EFHB: variants seen among roughly 807,000 people sequenced by gnomAD.
EFHB encodes the protein EF-hand domain family member B.
A neutral mutation model predicts 87.2 loss-of-function variants in EFHB; 91 were observed. The ratio of observed to expected loss-of-function variants is 1.04; its 90% confidence interval spans 0.88 to 1.24. The LOEUF (loss-of-function observed/expected upper bound fraction) is 1.24. Ranked by LOEUF, EFHB falls within the 50% of genes most tolerant of loss-of-function variation. The pLI is 0.00. For synonymous variants in EFHB, 325 were observed against 333.6 expected (o/e 0.97, Z 0.28); for missense variants, 1,084 against 998.8 (o/e 1.09, Z -1.15).
rs572283933 is a variant in EFHB, at chr3:19,884,959, C to T, written c.1934-344G>A. On this transcript the variant is annotated intron_variant, in intron 10 of 12. Coordinates refer to ENST00000295824, the MANE Select transcript of EFHB (RefSeq NM_144715.4). ...TAGAGCGGCCAGGCACGGTGGCTCA[C>T]GCCTGTAATCCCAGCACTTTGGGAG... is the stretch of plus-strand genomic sequence containing the variant. Among the ~76,000 whole-genome samples, 10 of 151,064 alleles carry T rather than the reference C, an allele frequency of 6.6e-5. No individual in the cohort carries two copies. In the East Asian group the frequency reaches 1.8e-3, roughly 26 times the overall value.
intron 1 of EFHB, among the ~76,000 whole-genome samples, chr3:19,945,253 A>G (rs1428150041): frequency 1.3e-5 from 2 of 152,222 alleles, no homozygotes; most frequent in Non-Finnish European, 2.9e-5. Context: ...GAGGAATTCT[A>G]TAGAAATAGA....
At chr3:19,889,877 C>G (rs1236609571) in intron 9 of EFHB, among the ~76,000 whole-genome samples, 1 of 152,172 alleles carries the variant, frequency 6.6e-6, no homozygotes, top group Non-Finnish European at 1.5e-5. Context: ...ATCCCAGCTA[C>G]TCGGGAGGCT....
intron 4 of EFHB, among the ~76,000 whole-genome samples, chr3:19,916,376 G>A (rs1695231489): frequency 6.6e-6 from 1 of 151,912 alleles, no homozygotes; most frequent in Non-Finnish European, 1.5e-5. Flanking sequence ...TTAGACAGGC[G>A]TGGTGGCACA....
chr3:19,896,463 T>C (rs1694484212), intron 9 of EFHB: 2 of 626,536 alleles, frequency 3.2e-6, no homozygotes, highest in African/African-American at 3.6e-5. Context: ...GGCCATACAG[T>C]TTTTGTTGCT....
At chr3:19,939,391 TTTTTTTTTTG>T in intron 1 of EFHB, among the ~76,000 whole-genome samples, 2 of 113,416 alleles carry the variant, frequency 1.8e-5, no homozygotes, top group African/African-American at 6.8e-5. Context: ...TTTTTTTTTT[TTTTTTTTTTG>T]GGATGGAGTC....
At chr3:19,884,735 T>C in intron 10 of EFHB, 120 bp from the exon 11 acceptor site, 2 of 938,624 alleles carry the variant, frequency 2.1e-6, no homozygotes. Context: ...ACAGCTGGCA[T>C]GACCCCTCCA....
chr3:19,894,283 G>A (rs1266708072), intron 9 of EFHB, among the ~76,000 whole-genome samples: 1 of 152,124 alleles, frequency 6.6e-6, no homozygotes, highest in South Asian at 2.1e-4. Flanking sequence ...AGCTACCATT[G>A]TGATGTCAAC....
intron 5 of EFHB, among the ~76,000 whole-genome samples, chr3:19,913,309 T>G (rs1695122478): frequency 6.6e-6 from 1 of 151,980 alleles, no homozygotes; most frequent in Non-Finnish European, 1.5e-5. Context: ...ACCTAAAGAC[T>G]CCACAAGAAA....
At chr3:19,922,550 C>T (rs536715157) in intron 1 of EFHB, among the ~76,000 whole-genome samples, 13 of 152,290 alleles carry the variant, frequency 8.5e-5, no homozygotes, top group African/African-American at 3.1e-4. Flanking sequence ...AATGCATTTC[C>T]TCTAGCTTCC....
At chr3:19,918,151 A>G in intron 4 of EFHB, 81 bp downstream of exon 4, 1 of 1,313,282 alleles carries the variant, frequency 7.6e-7, no homozygotes, top group Non-Finnish European at 1.0e-6. Flanking sequence ...CAAACATCAT[A>G]CAAATAAGAT....
chr3:19,932,471 C>T (rs977833406), intron 1 of EFHB, among the ~76,000 whole-genome samples: 5 of 152,184 alleles, frequency 3.3e-5, no homozygotes, highest in African/African-American at 1.2e-4. Context: ...GTTTATGCCT[C>T]TCGAACATAG....
intron 6 of EFHB, among the ~76,000 whole-genome samples, chr3:19,901,024 T>C (rs1694653772): frequency 6.6e-6 from 1 of 152,126 alleles, no homozygotes; most frequent in Non-Finnish European, 1.5e-5. Flanking sequence ...TGTTCAGTTG[T>C]GGAGGGTAAT....
chr3:19,913,844 C>G (rs1695139154), intron 5 of EFHB, among the ~76,000 whole-genome samples: 1 of 152,090 alleles, frequency 6.6e-6, no homozygotes, highest in Admixed American at 6.6e-5. Flanking sequence ...GACACATAGA[C>G]CAATGGAACA....
chr3:19,904,277 T>A (rs1363366863), intron 6 of EFHB, among the ~76,000 whole-genome samples: 2 of 152,324 alleles, frequency 1.3e-5, no homozygotes, highest in African/African-American at 2.4e-5. Flanking sequence ...AAATGTATTC[T>A]CTCACAGTCC....
intron 1 of EFHB, among the ~76,000 whole-genome samples, chr3:19,939,963 G>A (rs748977538): frequency 5.5e-4 from 83 of 152,148 alleles, no homozygotes; most frequent in Non-Finnish European, 8.7e-4. Flanking sequence ...AGGAGTTTAA[G>A]GCCCACTGCC....
intron 7 of EFHB, among the ~76,000 whole-genome samples, 192 bp from the exon 8 acceptor site, chr3:19,899,037 C>T (rs1694580127): frequency 6.6e-6 from 1 of 152,156 alleles, no homozygotes; most frequent in Non-Finnish European, 1.5e-5. Context: ...AATGTTTTCA[C>T]CCTCTTTCAG....
chr3:19,885,073 T>G (rs1309412223), intron 10 of EFHB, among the ~76,000 whole-genome samples: 1 of 150,328 alleles, frequency 6.7e-6, no homozygotes, highest in African/African-American at 2.5e-5. Flanking sequence ...AATATAAAAG[T>G]TAGTCAGGCA....
intron 12 of EFHB, among the ~76,000 whole-genome samples, chr3:19,880,406 C>A (rs1344729752): frequency 2.0e-5 from 3 of 151,902 alleles, no homozygotes; most frequent in African/African-American, 7.3e-5. Context: ...TGTGCCACCA[C>A]ACCTGGCCAA....
intron 6 of EFHB, among the ~76,000 whole-genome samples, chr3:19,905,280 A>G (rs989788855): frequency 6.6e-6 from 1 of 152,184 alleles, no homozygotes; most frequent in Non-Finnish European, 1.5e-5. Flanking sequence ...TTTCAAGTCA[A>G]TTACAATTGT....
Sources: gnomAD v4.1 joint callset for allele counts (sites outside exome capture counted in the v4.1 genomes callset) on GRCh38, gnomAD v4.1.1 for gene constraint, MANE v1.5 for transcripts, NCBI Gene and HGNC (gene_info 2026-07-23, HGNC 2026-07-21) for gene names.